TMC1: variants seen among roughly 807,000 people sequenced by gnomAD.
TMC1 encodes transmembrane channel-like protein 1.
A neutral mutation model predicts 105.8 loss-of-function variants in TMC1; 84 were observed. The observed-to-expected ratio is 0.79, with a 90% CI of 0.67 to 0.95. The LOEUF is 0.95. Ranked by LOEUF, TMC1 falls within the 40% of genes least tolerant of loss-of-function variation. TMC1 has a pLI of 0.00. For missense variants in TMC1, 817 were observed against 914.1 expected, an observed-to-expected ratio of 0.89 and a Z score of 1.37; for synonymous variants, 315 against 311.5, an observed-to-expected ratio of 1.01 and a Z score of -0.12.
At chr9:72,615,876 C>T (rs548346975) in intron 2 of TMC1, among the ~76,000 whole-genome samples, 1 of 151,774 alleles carries the variant, frequency 6.6e-6, no homozygotes, top group African/African-American at 2.4e-5. Context: ...GCCTTAGCCT[C>T]CTGAGTAGCT....
intron 4 of TMC1, among the ~76,000 whole-genome samples, chr9:72,635,572 C>A (rs1037702990): frequency 6.6e-6 from 1 of 152,222 alleles, no homozygotes; most frequent in Non-Finnish European, 1.5e-5. Flanking sequence ...TATTATAAAT[C>A]ACACTATCTC....
At chr9:72,756,684 A>G (rs1481028407) in intron 12 of TMC1, among the ~76,000 whole-genome samples, 1 of 152,236 alleles carries the variant, frequency 6.6e-6, no homozygotes, top group Admixed American at 6.5e-5. Flanking sequence ...TTTAAGGCAT[A>G]GCAGAGAAAG....
chr9:72,543,540 T>A (rs1823712564), intron 1 of TMC1, among the ~76,000 whole-genome samples: 1 of 152,188 alleles, frequency 6.6e-6, no homozygotes, highest in South Asian at 2.1e-4. Context: ...CCCAGCACTT[T>A]GGGAGGCCAA....
At chr9:72,697,925 A>G (rs962199896) in intron 7 of TMC1, among the ~76,000 whole-genome samples, 3 of 152,218 alleles carry the variant, frequency 2.0e-5, no homozygotes. Flanking sequence ...TAAAACTGCT[A>G]TCTATGTAAT....
At chr9:72,679,751 T>C (rs906636270) in intron 5 of TMC1, among the ~76,000 whole-genome samples, 18 of 152,088 alleles carry the variant, frequency 1.2e-4, no homozygotes, top group Non-Finnish European at 2.6e-4. Context: ...TACCATTGTA[T>C]TGGGGGTTAT....
chr9:72,647,203 C>CT (rs1272660664), intron 4 of TMC1, among the ~76,000 whole-genome samples: 10 of 147,928 alleles, frequency 6.8e-5, no homozygotes, highest in African/African-American at 9.9e-5. Context: ...ATATCTCTTA[C>CT]TTTTTTTTTA....
chr9:72,544,940 C>A (rs370705905), intron 1 of TMC1, among the ~76,000 whole-genome samples: 3 of 151,982 alleles, frequency 2.0e-5, no homozygotes, highest in African/African-American at 7.2e-5. Flanking sequence ...CTTCACCCCC[C>A]CAAGTCTTTC....
At chr9:72,622,297 C>G (rs1057026935) in intron 3 of TMC1, among the ~76,000 whole-genome samples, 13 of 152,324 alleles carry the variant, frequency 8.5e-5, no homozygotes, top group Admixed American at 7.2e-4. Flanking sequence ...TCCAACCACT[C>G]TCATCCACCA....
chr9:72,555,298 T>C (rs571027275), intron 1 of TMC1, among the ~76,000 whole-genome samples: 1 of 151,048 alleles, frequency 6.6e-6, no homozygotes, highest in South Asian at 2.1e-4. Flanking sequence ...CGGGTTCAAG[T>C]GATTCTCCTG....
chr9:72,789,076 T>C, intron 14 of TMC1, 47 bp from the exon 15 acceptor site: 4 of 1,564,504 alleles, frequency 2.6e-6, no homozygotes, highest in Non-Finnish European at 2.6e-6. Flanking sequence ...GTAGCTAAGA[T>C]ATTCTATTTT....
chr9:72,670,923 GAC>G (rs1456567695), intron 5 of TMC1, among the ~76,000 whole-genome samples: 1 of 152,206 alleles, frequency 6.6e-6, no homozygotes, highest in Non-Finnish European at 1.5e-5. Context: ...CTTGAAGAGA[GAC>G]TGTGACTAAA....
chr9:72,655,010 A>T (rs149765235), intron 5 of TMC1, among the ~76,000 whole-genome samples: 38 of 152,258 alleles, frequency 2.5e-4, no homozygotes, highest in African/African-American at 9.1e-4. Flanking sequence ...CTTATCTTGA[A>T]TTGTAATCCC....
chr9:72,779,955 A>G (rs576824253), intron 13 of TMC1, among the ~76,000 whole-genome samples: 3 of 152,304 alleles, frequency 2.0e-5, no homozygotes, highest in African/African-American at 4.8e-5. Flanking sequence ...CCCAAGACAC[A>G]TAGCCCACAG....
Position 72,694,546 on chromosome 9 carries a change from A to G in TMC1, c.68A>G (p.Glu23Gly), listed in dbSNP as rs1317983939. The stretch of plus-strand genomic sequence containing the variant: ...TTGAATCAAGTGCTATGTTTAGGTG[A>G]AGAGGAAGAGGAGGTGGAAGATAAG... ...KEDETEESSS[E>G]EEEEVEDKLP... Residue 23 changes from glutamate (E) to glycine (G), a missense_variant, in exon 7 of 24, where the codon GAA becomes GGA. Glu to Gly is a moderately conservative substitution (Grantham distance 98). Coordinates refer to ENST00000297784, the MANE Select transcript of TMC1 (RefSeq NM_138691.3). The G allele has an allele frequency of 6.2e-6, 10 of 1,612,288 alleles. No homozygotes were observed. The highest frequency in any genetic ancestry group is 8.5e-6 in the Non-Finnish European group (10 of 1,178,954).
chr9:72,616,941 CT>C (rs1825141647), intron 3 of TMC1, among the ~76,000 whole-genome samples: 1 of 152,080 alleles, frequency 6.6e-6, no homozygotes, highest in Non-Finnish European at 1.5e-5. Context: ...GGTCTGCTTG[CT>C]TTGACTTTGT....
intron 8 of TMC1, among the ~76,000 whole-genome samples, chr9:72,730,994 C>T (rs1488151423): frequency 6.6e-6 from 1 of 152,192 alleles, no homozygotes; most frequent in Non-Finnish European, 1.5e-5. Flanking sequence ...ACTCACTCGC[C>T]CACCACTTGC....
At chr9:72,608,742 A>G (rs528352734) in intron 2 of TMC1, among the ~76,000 whole-genome samples, 1 of 151,868 alleles carries the variant, frequency 6.6e-6, no homozygotes, top group Non-Finnish European at 1.5e-5. Flanking sequence ...ATTAGGAGAC[A>G]TGCCTATAAT....
At position 72,834,453 on chromosome 9, in the gene TMC1, T is replaced by C. The variant is rs191200507; in HGVS notation, c.2261-1498T>C. 2.8e-3 allele frequency among the ~76,000 whole-genome samples: 420 copies of C among 152,246 alleles called. 4 individuals carry two copies. The highest frequency in any genetic ancestry group is 9.2e-3 in the African/African-American group (381 of 41,544). On this transcript the variant is annotated intron_variant, in intron 23 of 23. Transcript: ENST00000297784. ...GATGGGGCTTGTGGGCAGATCCTCA[T>C]TGGGGGACTCTGCCTGGGCTGCCGC...
intron 6 of TMC1, among the ~76,000 whole-genome samples, chr9:72,691,786 G>T (rs1415148827): frequency 1.3e-5 from 2 of 152,048 alleles, no homozygotes; most frequent in African/African-American, 4.8e-5. Context: ...CTGAACACAG[G>T]GTATATATTT....
Sources: allele counts gnomAD v4.1 joint callset (sites outside exome capture counted in the v4.1 genomes callset), GRCh38; gene constraint gnomAD v4.1.1; transcripts MANE v1.5; gene names NCBI Gene and HGNC (gene_info 2026-07-23, HGNC 2026-07-21).